The following TUT4 variants were observed in gnomAD, a reference collection of about 807,000 sequenced individuals.
TUT4 encodes terminal uridylyl transferase 4.
TUT4 carries 36 observed loss-of-function variants against 192.2 expected under a neutral mutation model. The ratio of observed to expected loss-of-function variants is 0.19; its 90% CI spans 0.14 to 0.25. TUT4 has a LOEUF of 0.25. TUT4 is among the 10% of genes least tolerant of loss of function. The pLI, the probability that TUT4 is intolerant of heterozygous loss-of-function variation, is 1.00. For synonymous variants in TUT4, 618 were observed against 666.0 expected (o/e 0.93, Z 1.11); for missense variants, 1,493 against 1,957.2 (o/e 0.76, Z 4.47).
intron 13 of TUT4, among the ~76,000 whole-genome samples, chr1:52,473,923 C>G (rs1412153205): frequency 6.6e-6 from 1 of 152,076 alleles, no homozygotes; most frequent in East Asian, 1.9e-4. Context: ...TTCAGACTAT[C>G]TGGCCAGGTG....
At chr1:52,546,921 C>A (rs1688225092) in intron 1 of TUT4, among the ~76,000 whole-genome samples, 1 of 151,902 alleles carries the variant, frequency 6.6e-6, no homozygotes, top group South Asian at 2.1e-4. Context: ...CATTTGAGGC[C>A]AGGAGTTTGA....
At chr1:52,451,099 A>G (rs1659264148) in intron 20 of TUT4, among the ~76,000 whole-genome samples, 2 of 152,048 alleles carry the variant, frequency 1.3e-5, no homozygotes, top group South Asian at 4.2e-4. Flanking sequence ...CCCCATCTCT[A>G]CTAAAAATAC....
At chr1:52,490,961 CCT>C (rs1437426665) in intron 7 of TUT4, among the ~76,000 whole-genome samples, 160 bp from the exon 8 acceptor site, 2 of 152,190 alleles carry the variant, frequency 1.3e-5, no homozygotes, top group East Asian at 3.9e-4. Context: ...AAATCTCTTA[CCT>C]CTCCTGGTGT....
At chr1:52,550,859 T>G (rs1689256374) in intron 1 of TUT4, among the ~76,000 whole-genome samples, 1 of 152,160 alleles carries the variant, frequency 6.6e-6, no homozygotes, top group African/African-American at 2.4e-5. Context: ...AGTGAATAAA[T>G]TCAAACACCT....
In TUT4 at chr1:52,468,258, G is replaced by A; in HGVS notation, c.2888C>T (p.Ser963Leu). ...GTTGTGTTGTTCAGAACAAGGTGGTGATAACTCATCTGGGTTTATAAAAAG... is the reference window on the plus strand; with the variant it reads ...GTTGTGTTGTTCAGAACAAGGTGGTAATAACTCATCTGGGTTTATAAAAAG... ...LVCKRCFDEL[S>L]PPCSEQHNRE... Residue 963 changes from serine to leucine, a missense_variant, in exon 15 of 30, where the codon TCA (serine) becomes TTA (leucine). Ser to Leu is a moderately radical substitution (Grantham distance 145). This residue lies in a region of TUT4 where 59 missense variants were observed against 114.3 expected (regional missense o/e 0.52). Coordinates refer to ENST00000257177, the MANE Select transcript of TUT4 (RefSeq NM_001009881.3). 6.3e-7 allele frequency: 1 copy of A among 1,594,898 alleles called. No individual in the cohort carries two copies. The highest frequency in any genetic ancestry group is 8.5e-7 in the Non-Finnish European group (1 of 1,175,124).
At chr1:52,538,726 T>G (rs1177928234) in intron 1 of TUT4, 2 of 148,580 alleles carry the variant, frequency 1.3e-5, no homozygotes, top group Non-Finnish European at 3.0e-5. Flanking sequence ...GATCAAAGAA[T>G]CCTATCATAT....
At chr1:52,528,490 C>CAAA in intron 1 of TUT4, among the ~76,000 whole-genome samples, 1 of 90,222 alleles carries the variant, frequency 1.1e-5, no homozygotes, top group East Asian at 3.2e-4. Context: ...GACCCTGTCT[C>CAAA]AAAAAAAAAA....
rs113642845 is a variant in TUT4 at position 52,460,251 on chromosome 1, G to A, written c.3321+883C>T. Among the ~76,000 whole-genome samples the A allele has an allele frequency of 4.2e-3, 646 of 152,238 alleles. 5 individuals are homozygous for A. Among genetic ancestry groups the A allele is most frequent in the African/African-American group, 0.015 (611 of 41,554 alleles). On this transcript the variant is annotated intron_variant, in intron 19 of 29. Coordinates refer to ENST00000257177, the MANE Select transcript of TUT4 (RefSeq NM_001009881.3). ...AATCCCAGCACTTTGGGAGGCCGAGGCTGGAGGATCACTTGAGGTCAGGAG... is the reference window on the plus strand; with the variant it reads ...AATCCCAGCACTTTGGGAGGCCGAGACTGGAGGATCACTTGAGGTCAGGAG...
At chr1:52,503,237 G>C (rs905446847) in intron 4 of TUT4, among the ~76,000 whole-genome samples, 5 of 152,110 alleles carry the variant, frequency 3.3e-5, no homozygotes, top group Non-Finnish European at 7.4e-5. Flanking sequence ...CTATATGCCA[G>C]GTACTGTGCT....
intron 15 of TUT4, among the ~76,000 whole-genome samples, chr1:52,466,625 G>A (rs1398384715): frequency 7.1e-6 from 1 of 141,642 alleles, no homozygotes; most frequent in Non-Finnish European, 1.5e-5. Flanking sequence ...GAGCCCGGGT[G>A]ACAGAGTAAT....
At chr1:52,438,717 C>T (rs1484632341) in intron 24 of TUT4, among the ~76,000 whole-genome samples, 2 of 152,190 alleles carry the variant, frequency 1.3e-5, no homozygotes, top group Non-Finnish European at 2.9e-5. Flanking sequence ...TGTCTCACAA[C>T]AAAACTCATG....
intron 4 of TUT4, among the ~76,000 whole-genome samples, chr1:52,498,266 CAG>C (rs1217214548): frequency 8.0e-6 from 1 of 124,580 alleles, no homozygotes; most frequent in Non-Finnish European, 1.6e-5. Context: ...TTTTTTGAGA[CAG>C]AGTCTCGCTG....
At chr1:52,449,962 G>A (rs1328651476) in intron 20 of TUT4, among the ~76,000 whole-genome samples, 1 of 151,964 alleles carries the variant, frequency 6.6e-6, no homozygotes, top group African/African-American at 2.4e-5. Context: ...AAGCTGATAT[G>A]GGTTAAAAAA....
chr1:52,540,360 C>CA lies in TUT4; in HGVS notation c.-94+12570dup, dbSNP rs887414939. On this transcript the variant is annotated intron_variant, in intron 1 of 29. Coordinates refer to ENST00000257177, the MANE Select transcript of TUT4 (RefSeq NM_001009881.3). ...CGAAACCCCATCTCTACTAAAAAGA[C>CA]AAAAAAATTGCAGGGTGTGGTGGCA... is the stretch of plus-strand genomic sequence containing the variant. Among the ~76,000 whole-genome samples the CA allele has an allele frequency of 2.8e-4, 42 of 151,596 alleles. No homozygotes were observed. The South Asian group carries it at 4.4e-3, about 16-fold the overall frequency.
intron 4 of TUT4, 43 bp from the exon 5 acceptor site, chr1:52,497,226 T>C (rs1363768602): frequency 2.0e-6 from 3 of 1,508,982 alleles, no homozygotes; most frequent in Admixed American, 2.5e-5. Context: ...AAAAAAAGTT[T>C]CTATTTTAAT....
Position 52,481,927 on chromosome 1 carries a change from C to T in TUT4, c.1516-4G>A, listed in dbSNP as rs1408312749. The T allele has an allele frequency of 6.7e-7, 1 of 1,496,530 alleles. No homozygotes were observed. Among genetic ancestry groups the T allele is most frequent in the East Asian group, 2.5e-5 (1 of 40,656 alleles). 92.7% of individuals were successfully genotyped at this position (1,496,530 alleles called of 1,614,324 possible). On this transcript the variant is annotated splice_region_variant and splice_polypyrimidine_tract_variant and intron_variant, in intron 9 of 29. Transcript: ENST00000257177. Reference sequence around the variant, plus strand: ...TTTGGGAGTCAATATAGCACAACTGCAAAATGAAGGGGAAAAAAGTACTAC... The same window carrying T: ...TTTGGGAGTCAATATAGCACAACTGTAAAATGAAGGGGAAAAAAGTACTAC...
At chr1:52,499,379 C>G (rs759217698) in intron 4 of TUT4, among the ~76,000 whole-genome samples, 1 of 152,088 alleles carries the variant, frequency 6.6e-6, no homozygotes, top group East Asian at 1.9e-4. Context: ...GCCTGGACAA[C>G]AGAGCAAGAC....
intron 4 of TUT4, among the ~76,000 whole-genome samples, chr1:52,501,275 CCAATT>C (rs1674005688): frequency 6.6e-6 from 1 of 151,984 alleles, no homozygotes; most frequent in Non-Finnish European, 1.5e-5. Context: ...AACAAACAAC[CCAATT>C]CAAAAGTGAA....
intron 19 of TUT4, among the ~76,000 whole-genome samples, chr1:52,459,420 C>T (rs1284766593): frequency 6.6e-6 from 1 of 152,152 alleles, no homozygotes; most frequent in African/African-American, 2.4e-5. Context: ...GAAACCCCAT[C>T]TCTACAAGAA....
Sources: allele counts gnomAD v4.1 joint callset (sites outside exome capture counted in the v4.1 genomes callset), GRCh38; gene constraint gnomAD v4.1.1; regional missense constraint gnomAD v4.1.1; transcripts MANE v1.5; gene names NCBI Gene and HGNC (gene_info 2026-07-23, HGNC 2026-07-21).